The following MYRIP variants were observed in gnomAD, a reference collection of about 807,000 sequenced individuals.
The protein encoded by MYRIP is myosin VIIA and Rab interacting protein.
Under a neutral mutation model 98.0 loss-of-function variants are expected in MYRIP, and 49 were observed. The observed-to-expected ratio is 0.50, with a 90% CI of 0.40 to 0.63. MYRIP has a LOEUF of 0.63. Ranked by LOEUF, MYRIP falls within the 30% of genes least tolerant of loss-of-function variation. The probability of loss-of-function intolerance (pLI) is 0.00; values close to 1 mark genes in which losing one functional copy is unlikely to be tolerated. For synonymous variants in MYRIP, 404 were observed against 409.5 expected (o/e 0.99, Z 0.16); for missense variants, 1,004 against 1,058.2 (o/e 0.95, Z 0.71).
At chr3:40,227,000 T>G (rs749372358) in intron 11 of MYRIP, among the ~76,000 whole-genome samples, 1 of 152,142 alleles carries the variant, frequency 6.6e-6, no homozygotes, top group Non-Finnish European at 1.5e-5. Context: ...CAAAGTAAAA[T>G]GCTAGCAGCA....
intron 3 of MYRIP, among the ~76,000 whole-genome samples, chr3:40,078,317 C>T (rs1948399303): frequency 6.6e-6 from 1 of 152,218 alleles, no homozygotes; most frequent in African/African-American, 2.4e-5. Context: ...TCCCTCCACA[C>T]CTCCCTGCGA....
At position 39,897,694 on chromosome 3, in the gene MYRIP, G is replaced by A. The variant is rs187990091; in HGVS notation, c.-30-3093G>A. Among the ~76,000 whole-genome samples, 35 of 152,168 alleles carry A rather than the reference G, an allele frequency of 2.3e-4. No homozygotes were observed. In the South Asian group the frequency reaches 2.5e-3, roughly 11 times the overall value. On this transcript the variant is annotated intron_variant, in intron 1 of 16. Coordinates refer to ENST00000302541, the MANE Select transcript of MYRIP (RefSeq NM_015460.4). The stretch of plus-strand genomic sequence containing the variant: ...GCTCTAGGATGCTATTTCATTTGTC[G>A]CACAGGGACTCTGACTGTGTTTGTT...
In MYRIP at chr3:40,005,578, G is replaced by T. The variant is rs1404062826; in HGVS notation, c.111-38472G>T. Among the ~76,000 whole-genome samples the T allele has an allele frequency of 1.3e-5, 2 of 152,184 alleles. 1 individual carries two copies. The highest frequency in any genetic ancestry group is 4.8e-5 in the African/African-American group (2 of 41,440). Reference sequence around the variant, plus strand: ...GAAACATGGAAAATAGATTTCATAGGCAGATGATTTGGAACAATGCAGTTT... The same window carrying T: ...GAAACATGGAAAATAGATTTCATAGTCAGATGATTTGGAACAATGCAGTTT... On this transcript the variant is annotated intron_variant, in intron 2 of 16. Transcript: ENST00000302541.
intron 2 of MYRIP, among the ~76,000 whole-genome samples, chr3:40,027,767 T>A (rs1947168677): frequency 6.6e-6 from 1 of 151,876 alleles, no homozygotes; most frequent in Non-Finnish European, 1.5e-5. Context: ...GCCTAATAAG[T>A]GTGAATTGAG....
At chr3:40,082,984 G>A (rs907138174) in intron 3 of MYRIP, among the ~76,000 whole-genome samples, 1 of 152,118 alleles carries the variant, frequency 6.6e-6, no homozygotes. Flanking sequence ...TAAAGAAGCT[G>A]AGCATTATCT....
chr3:39,867,417 C>T (rs150283084), intron 1 of MYRIP, among the ~76,000 whole-genome samples: 148 of 152,142 alleles, frequency 9.7e-4, no homozygotes, highest in Non-Finnish European at 1.1e-3. Context: ...AAACTACATA[C>T]GTATCTAATA....
intron 1 of MYRIP, among the ~76,000 whole-genome samples, chr3:39,833,357 T>G (rs1941512837): frequency 6.6e-6 from 1 of 152,072 alleles, no homozygotes; most frequent in African/African-American, 2.4e-5. Context: ...CACAAAAGAA[T>G]GAGAGGGGTA....
At chr3:40,126,591 T>G (rs1433003892) in intron 3 of MYRIP, among the ~76,000 whole-genome samples, 1 of 152,232 alleles carries the variant, frequency 6.6e-6, no homozygotes, top group East Asian at 1.9e-4. Flanking sequence ...GATGAAATAT[T>G]TATTCTCGTC....
intron 1 of MYRIP, among the ~76,000 whole-genome samples, chr3:39,852,423 G>T (rs1035462847): frequency 8.5e-5 from 13 of 152,158 alleles, no homozygotes; most frequent in Non-Finnish European, 1.3e-4. Flanking sequence ...TGTGGAACAG[G>T]TGGTGCTTGG....
chr3:40,037,456 G>C (rs977211531), intron 2 of MYRIP, among the ~76,000 whole-genome samples: 17 of 151,886 alleles, frequency 1.1e-4, no homozygotes, highest in African/African-American at 4.1e-4. Context: ...GTGGGTTTGG[G>C]GTCTGGGGAC....
chr3:40,171,206 G>A (rs1444154899), intron 8 of MYRIP, among the ~76,000 whole-genome samples: 1 of 151,996 alleles, frequency 6.6e-6, no homozygotes, highest in African/African-American at 2.4e-5. Flanking sequence ...TTATAATCTG[G>A]TTAGCAAGGC....
At chr3:39,931,345 A>G (rs914093303) in intron 2 of MYRIP, among the ~76,000 whole-genome samples, 1 of 151,944 alleles carries the variant, frequency 6.6e-6, no homozygotes, top group African/African-American at 2.4e-5. Flanking sequence ...CATTGTTAGT[A>G]TATATAAAGA....
intron 2 of MYRIP, among the ~76,000 whole-genome samples, chr3:39,951,250 G>C (rs1945006787): frequency 6.6e-6 from 1 of 152,084 alleles, no homozygotes; most frequent in South Asian, 2.1e-4. Flanking sequence ...TCTAGAACAG[G>C]GATCCCTAAT....
chr3:40,160,248 C>G (rs970890304), intron 4 of MYRIP, among the ~76,000 whole-genome samples: 1 of 152,208 alleles, frequency 6.6e-6, no homozygotes, highest in South Asian at 2.1e-4. Flanking sequence ...TTGGAGTACC[C>G]AGCTGTGTGA....
intron 1 of MYRIP, among the ~76,000 whole-genome samples, chr3:39,815,979 CA>C (rs146526612): frequency 0.014 from 2,009 of 147,858 alleles, 62 homozygotes; most frequent in African/African-American, 0.046. Flanking sequence ...GCTATAATAT[CA>C]ATTCATTTTG....
At chr3:40,037,743 T>A (rs1471551752) in intron 2 of MYRIP, among the ~76,000 whole-genome samples, 1 of 152,086 alleles carries the variant, frequency 6.6e-6, no homozygotes, top group Non-Finnish European at 1.5e-5. Context: ...ACATGTGAAA[T>A]GTAGATTTGT....
chr3:39,973,946 C>G (rs1945672052), intron 2 of MYRIP, among the ~76,000 whole-genome samples: 1 of 152,082 alleles, frequency 6.6e-6, no homozygotes. Flanking sequence ...CAAGAGAAAG[C>G]AGGAAAGATC....
chr3:39,986,737 G>A (rs1460525775), intron 2 of MYRIP, among the ~76,000 whole-genome samples: 1 of 152,168 alleles, frequency 6.6e-6, no homozygotes, highest in Admixed American at 6.5e-5. Context: ...GGTAGGGGGT[G>A]GAGTGGATTC....
chr3:40,053,493 G>A (rs1947830539), intron 3 of MYRIP, among the ~76,000 whole-genome samples: 2 of 152,132 alleles, frequency 1.3e-5, no homozygotes, highest in African/African-American at 4.8e-5. Flanking sequence ...ACAAATAAAT[G>A]TATCAAGAGG....
Sources: gnomAD v4.1 joint callset for allele counts (sites outside exome capture counted in the v4.1 genomes callset) on GRCh38, gnomAD v4.1.1 for gene constraint, MANE v1.5 for transcripts, NCBI Gene and HGNC (gene_info 2026-07-23, HGNC 2026-07-21) for gene names.